PPFIBP2: variants seen among roughly 807,000 people sequenced by gnomAD.
PPFIBP2 encodes liprin-beta-2.
A neutral mutation model predicts 118.3 loss-of-function variants in PPFIBP2; 118 were observed. That is an observed-to-expected ratio of 1.00 (90% confidence interval 0.86 to 1.16). The LOEUF (loss-of-function observed/expected upper bound fraction) is 1.16, where lower values mean the gene tolerates loss of function less well. Among genes scored for constraint, PPFIBP2 ranks in the 50% most tolerant of loss-of-function variants. PPFIBP2 has a pLI of 0.00. For missense variants in PPFIBP2, 1,195 were observed against 1,073.1 expected (o/e 1.11, Z -1.59); for synonymous variants, 414 against 397.4 (o/e 1.04, Z -0.50).
intron 1 of PPFIBP2, among the ~76,000 whole-genome samples, chr11:7,548,806 A>T (rs986197017): frequency 2.0e-5 from 3 of 152,004 alleles, no homozygotes; most frequent in Non-Finnish European, 4.4e-5. Context: ...TGCTGGGTAG[A>T]GTGGATCTAA....
At chr11:7,519,108 T>TGGCTGGGAAGATGGC (rs564657974) in intron 1 of PPFIBP2, among the ~76,000 whole-genome samples, 196 of 152,078 alleles carry the variant, frequency 1.3e-3, no homozygotes, top group African/African-American at 4.4e-3. Flanking sequence ...GGGAAGATGG[T>TGGCTGGGAAGATGGC]GGCTGGGAAG....
At chr11:7,576,181 C>G (rs1856297487) in intron 3 of PPFIBP2, among the ~76,000 whole-genome samples, 1 of 152,232 alleles carries the variant, frequency 6.6e-6, no homozygotes, top group African/African-American at 2.4e-5. Context: ...CGGAGGTGAC[C>G]CCCAAGGGAA....
rs906711249 is a variant in PPFIBP2, at chr11:7,617,179, A to C, written c.619-3756A>C. On this transcript the variant is annotated intron_variant, in intron 6 of 23. Transcript: ENST00000299492. The stretch of plus-strand genomic sequence containing the variant: ...AGGCTGCAGCTGGACATCCACAGGC[A>C]GATTCAAGAGCGCCTGTTACTCAGT... 5 of 985,300 alleles carry C rather than the reference A, an allele frequency of 5.1e-6. No homozygotes were observed. In the African/African-American group the frequency reaches 8.7e-5, roughly 17 times the overall value. The allele number at this position is 985,300 out of a possible 1,614,324, so 61.0% of individuals were successfully genotyped here. A position where few individuals can be genotyped will look rare whatever the true frequency, so the allele number is the denominator to read the frequency against.
In PPFIBP2 at chr11:7,628,342, ATAAGG is replaced by A; in HGVS notation, c.888+1_888+5del. 6.2e-7 allele frequency: 1 copy of A among 1,613,878 alleles called. No homozygotes were observed. ...GAAACTTTGCTGCTTGCCAATGAAG[ATAAGG>A]TAAGATGGTCATTGGGTAGCCCTGT... On this transcript the variant is annotated splice_donor_variant and coding_sequence_variant, in exon 9 of 24. Coordinates refer to ENST00000299492, the MANE Select transcript of PPFIBP2 (RefSeq NM_003621.5). LOFTEE classifies it high-confidence loss of function.
chr11:7,652,179 G>A (rs1426004766), intron 23 of PPFIBP2, among the ~76,000 whole-genome samples: 3 of 152,364 alleles, frequency 2.0e-5, no homozygotes, highest in Non-Finnish European at 2.9e-5. Flanking sequence ...GCTTTCCTTC[G>A]GTCAGGCCTG....
chr11:7,640,266 C>G (rs971487758), intron 15 of PPFIBP2, among the ~76,000 whole-genome samples: 9 of 152,156 alleles, frequency 5.9e-5, no homozygotes, highest in African/African-American at 2.2e-4. Flanking sequence ...TTCTGATCTT[C>G]TCTCTCCTGT....
At chr11:7,631,729 C>T (rs1367496307) in intron 11 of PPFIBP2, among the ~76,000 whole-genome samples, 3 of 152,088 alleles carry the variant, frequency 2.0e-5, no homozygotes, top group Non-Finnish European at 4.4e-5. Context: ...AATTAAGGAG[C>T]AAAAGCATCA....
chr11:7,574,548 A>G (rs1476563204), intron 3 of PPFIBP2, among the ~76,000 whole-genome samples: 1 of 152,206 alleles, frequency 6.6e-6, no homozygotes, highest in African/African-American at 2.4e-5. Flanking sequence ...AGTACTTTCT[A>G]TATATTTGAC....
Position 7,593,222 on chromosome 11 carries a change from C to T in PPFIBP2, c.370C>T (p.Gln124Ter). The T allele has an allele frequency of 6.2e-7, 1 of 1,613,582 alleles. No homozygotes were observed. Residue 124 changes from glutamine (Q) to a stop codon, truncating the protein, a stop_gained and splice_region_variant, in exon 4 of 24, where the codon CAG becomes TAG. Transcript: ENST00000299492. LOFTEE classifies it high-confidence loss of function. ...LEGDKESLIL[Q>*]VSVLTDQVEA... is the part of the protein sequence containing the mutation. ...AGGGGATAAGGAGTCCCTCATATTGCAGGTGGGTACTTTTTGGTGAGAATC... is the reference window on the plus strand; with the variant it reads ...AGGGGATAAGGAGTCCCTCATATTGTAGGTGGGTACTTTTTGGTGAGAATC...
intron 3 of PPFIBP2, among the ~76,000 whole-genome samples, chr11:7,590,893 G>A (rs553443643): frequency 3.9e-5 from 6 of 152,174 alleles, no homozygotes; most frequent in Admixed American, 6.5e-5. Context: ...CTATGAAAAC[G>A]TGAAGTTTCT....
At chr11:7,527,289 G>T (rs1850314780) in intron 1 of PPFIBP2, among the ~76,000 whole-genome samples, 1 of 152,046 alleles carries the variant, frequency 6.6e-6, no homozygotes, top group African/African-American at 2.4e-5. Context: ...CAACGTGGAT[G>T]TCTGAGCAGT....
At chr11:7,514,417 C>A (rs1849051514) in intron 1 of PPFIBP2, among the ~76,000 whole-genome samples, 1 of 152,312 alleles carries the variant, frequency 6.6e-6, no homozygotes, top group South Asian at 2.1e-4. Context: ...CCAGCGTGGC[C>A]CTGGAGATGC....
At chr11:7,553,189 C>G (rs966383407) in intron 2 of PPFIBP2, among the ~76,000 whole-genome samples, 1 of 151,864 alleles carries the variant, frequency 6.6e-6, no homozygotes, top group African/African-American at 2.4e-5. Flanking sequence ...CTATTTTCAC[C>G]CTTGTTTCAC....
intron 1 of PPFIBP2, among the ~76,000 whole-genome samples, chr11:7,529,698 A>G (rs1850519379): frequency 6.6e-6 from 1 of 151,860 alleles, no homozygotes. Context: ...CCCAAAATCC[A>G]TTTCCCCAGC....
downstream of PPFIBP2, among the ~76,000 whole-genome samples, chr11:7,659,420 G>C (rs1478394632): frequency 1.1e-3 from 164 of 143,232 alleles, no homozygotes; most frequent in Non-Finnish European, 2.0e-3. Context: ...CCCATTGCTT[G>C]TTTTTCTCAG....
downstream of PPFIBP2, chr11:7,655,490 C>T (rs779186125): frequency 3.5e-5 from 45 of 1,289,666 alleles, no homozygotes; most frequent in Non-Finnish European, 3.8e-5. Context: ...AGACATTCAC[C>T]GCCTTACGGT....
At chr11:7,612,823 C>G (rs961078673) in intron 6 of PPFIBP2, among the ~76,000 whole-genome samples, 5 of 152,204 alleles carry the variant, frequency 3.3e-5, no homozygotes, top group South Asian at 2.1e-4. Context: ...TGCACATAAT[C>G]TTTGCTGGTA....
intron 9 of PPFIBP2, among the ~76,000 whole-genome samples, chr11:7,628,973 G>C (rs1332729986): frequency 6.6e-6 from 1 of 152,134 alleles, no homozygotes; most frequent in Non-Finnish European, 1.5e-5. Context: ...GACCTGTGTG[G>C]TCTCCCAAGT....
chr11:7,580,175 A>G (rs1441152947), intron 3 of PPFIBP2, among the ~76,000 whole-genome samples: 2 of 152,116 alleles, frequency 1.3e-5, no homozygotes, highest in Non-Finnish European at 2.9e-5. Flanking sequence ...TTTACCACAG[A>G]TGACCACCTC....
Sources: allele counts gnomAD v4.1 joint callset (sites outside exome capture counted in the v4.1 genomes callset), GRCh38; gene constraint gnomAD v4.1.1; transcripts MANE v1.5; gene names NCBI Gene and HGNC (gene_info 2026-07-23, HGNC 2026-07-21).